SLC4A10: variants seen among roughly 807,000 people sequenced by gnomAD.
SLC4A10 encodes sodium-driven chloride bicarbonate exchanger.
Under a neutral mutation model 137.7 loss-of-function variants are expected in SLC4A10, and 42 were observed. The ratio of observed to expected loss-of-function variants is 0.30; its 90% CI spans 0.24 to 0.39. SLC4A10 has a LOEUF of 0.39. Ranked by LOEUF, SLC4A10 falls within the 10% of genes least tolerant of loss-of-function variation. The pLI is 1.00. For synonymous variants in SLC4A10, 474 were observed against 464.1 expected (o/e 1.02, Z -0.27); for missense variants, 925 against 1,355.0 (o/e 0.68, Z 4.98).
At chr2:161,793,534 G>A (rs1260883584) in intron 2 of SLC4A10, among the ~76,000 whole-genome samples, 1 of 148,596 alleles carries the variant, frequency 6.7e-6, no homozygotes, top group Non-Finnish European at 1.5e-5. Context: ...TCACTACCTA[G>A]TCATTCCTAG....
At chr2:161,628,398 A>G (rs924870902) in intron 1 of SLC4A10, among the ~76,000 whole-genome samples, 1 of 152,050 alleles carries the variant, frequency 6.6e-6, no homozygotes, top group Non-Finnish European at 1.5e-5. Context: ...TAATTTGATG[A>G]TATAGGATAG....
intron 8 of SLC4A10, among the ~76,000 whole-genome samples, chr2:161,876,406 T>C (rs1012523984): frequency 1.5e-4 from 23 of 152,264 alleles, no homozygotes; most frequent in African/African-American, 5.5e-4. Flanking sequence ...GCCAAGGGCA[T>C]GGTGGCTGAC....
intron 1 of SLC4A10, among the ~76,000 whole-genome samples, chr2:161,645,399 A>T (rs954068761): frequency 2.0e-5 from 3 of 152,088 alleles, no homozygotes; most frequent in African/African-American, 7.2e-5. Context: ...TATATGGATT[A>T]TGACAAAACA....
chr2:161,634,466 C>T (rs1354363519), intron 1 of SLC4A10, among the ~76,000 whole-genome samples: 1 of 151,780 alleles, frequency 6.6e-6, no homozygotes. Flanking sequence ...TCCTATTTCT[C>T]CTCAAACTTT....
At chr2:161,702,363 T>C (rs1178661223) in intron 1 of SLC4A10, among the ~76,000 whole-genome samples, 2 of 151,938 alleles carry the variant, frequency 1.3e-5, no homozygotes, top group African/African-American at 4.8e-5. Flanking sequence ...TTCAATGGAT[T>C]TTTTAAACAA....
At chr2:161,760,799 G>T (rs2050175324) in intron 1 of SLC4A10, among the ~76,000 whole-genome samples, 1 of 151,846 alleles carries the variant, frequency 6.6e-6, no homozygotes, top group Admixed American at 6.6e-5. Flanking sequence ...TCTCTCTGAG[G>T]ATGGAACCGT....
At chr2:161,706,246 C>T (rs1419657519) in intron 1 of SLC4A10, among the ~76,000 whole-genome samples, 1 of 151,470 alleles carries the variant, frequency 6.6e-6, no homozygotes, top group African/African-American at 2.4e-5. Context: ...TTAATAACAT[C>T]CAGAGAATGA....
intron 2 of SLC4A10, among the ~76,000 whole-genome samples, chr2:161,797,237 T>C (rs1395421873): frequency 6.6e-6 from 1 of 152,128 alleles, no homozygotes; most frequent in Non-Finnish European, 1.5e-5. Context: ...ATCCCTTCAA[T>C]TGCTCTTCTG....
chr2:161,872,271 C>T, intron 6 of SLC4A10, 22 bp from the exon 7 acceptor site: 1 of 1,580,936 alleles, frequency 6.3e-7, no homozygotes, highest in Non-Finnish European at 8.7e-7. Flanking sequence ...TGTTTGTATT[C>T]TGTCACAACA....
intron 3 of SLC4A10, among the ~76,000 whole-genome samples, chr2:161,815,888 T>C (rs997067983): frequency 1.3e-5 from 2 of 152,128 alleles, no homozygotes; most frequent in Non-Finnish European, 2.9e-5. Context: ...ACCTACCTTT[T>C]TCCTTCTTCA....
In SLC4A10 at chr2:161,904,757, C is replaced by G. The variant is rs1683954163; in HGVS notation, c.1618-19C>G. 6.2e-7 allele frequency: 1 copy of G among 1,612,124 alleles called. No homozygotes were observed. The highest frequency in any genetic ancestry group is 2.2e-5 in the East Asian group (1 of 44,858). ...TCCTGTACAGCTTAGGTAATTGAACCATTTATATCTCTACACAGAGTGCAA... is the reference window on the plus strand; with the variant it reads ...TCCTGTACAGCTTAGGTAATTGAACGATTTATATCTCTACACAGAGTGCAA... On this transcript the variant is annotated intron_variant, in intron 13 of 26. Coordinates refer to ENST00000446997, the MANE Select transcript of SLC4A10 (RefSeq NM_001178015.2).
At chr2:161,847,989 C>T (rs912482123) in intron 4 of SLC4A10, among the ~76,000 whole-genome samples, 1 of 152,178 alleles carries the variant, frequency 6.6e-6, no homozygotes, top group Admixed American at 6.5e-5. Flanking sequence ...TACATTCCCA[C>T]CAGCAATGTA....
intron 10 of SLC4A10, among the ~76,000 whole-genome samples, chr2:161,885,364 G>A (rs573405167): frequency 1.3e-3 from 192 of 152,160 alleles, no homozygotes; most frequent in Non-Finnish European, 1.9e-3. Flanking sequence ...TTCAGTATTC[G>A]TTTTTATGAC....
chr2:161,971,698 G>C (rs944827974), intron 23 of SLC4A10, among the ~76,000 whole-genome samples: 2 of 152,126 alleles, frequency 1.3e-5, no homozygotes, highest in Non-Finnish European at 2.9e-5. Flanking sequence ...TTCTCACAGT[G>C]CTGCCGGGAT....
At chr2:161,980,446 C>G (rs1285068046) in intron 26 of SLC4A10, among the ~76,000 whole-genome samples, 1 of 152,130 alleles carries the variant, frequency 6.6e-6, no homozygotes, top group Admixed American at 6.5e-5. Context: ...CTCGGGAGCT[C>G]AAGATCGGCC....
intron 1 of SLC4A10, among the ~76,000 whole-genome samples, chr2:161,694,712 A>G (rs2042320172): frequency 6.6e-6 from 1 of 152,052 alleles, no homozygotes; most frequent in South Asian, 2.1e-4. Flanking sequence ...ATTAATTTAA[A>G]ACAGGCTTTA....
At chr2:161,855,410 C>T (rs1476592750) in intron 5 of SLC4A10, among the ~76,000 whole-genome samples, 1 of 151,934 alleles carries the variant, frequency 6.6e-6, no homozygotes, top group Non-Finnish European at 1.5e-5. Flanking sequence ...TAGACTCTCA[C>T]CATTAGAAAA....
intron 3 of SLC4A10, among the ~76,000 whole-genome samples, chr2:161,832,935 T>A (rs2058530023): frequency 6.6e-6 from 1 of 152,018 alleles, no homozygotes; most frequent in South Asian, 2.1e-4. Context: ...AGAGACGGGG[T>A]TTCACCGTGT....
intron 15 of SLC4A10, among the ~76,000 whole-genome samples, chr2:161,941,528 C>A (rs963676913): frequency 1.3e-5 from 2 of 152,036 alleles, no homozygotes; most frequent in Non-Finnish European, 2.9e-5. Context: ...TTTAAATATA[C>A]TAAAATTAAG....
Sources: allele counts gnomAD v4.1 joint callset (sites outside exome capture counted in the v4.1 genomes callset), GRCh38; gene constraint gnomAD v4.1.1; transcripts MANE v1.5; gene names NCBI Gene and HGNC (gene_info 2026-07-23, HGNC 2026-07-21).